CADM2: variants seen among roughly 807,000 people sequenced by gnomAD.
CADM2 encodes the protein cell adhesion molecule 2, also known as immunoglobulin superfamily member 4D.
A neutral mutation model predicts 49.8 loss-of-function variants in CADM2; 12 were observed. The ratio of observed to expected loss-of-function variants is 0.24; its 90% CI spans 0.15 to 0.39. CADM2 has a LOEUF of 0.39. Ranked by LOEUF, CADM2 falls within the 10% of genes least tolerant of loss-of-function variation. The probability of loss-of-function intolerance (pLI) is 1.00; values close to 1 mark genes in which losing one functional copy is unlikely to be tolerated. For missense variants in CADM2, 378 were observed against 492.3 expected, an observed-to-expected ratio of 0.77 and a Z score of 2.20; for synonymous variants, 214 against 175.4, an observed-to-expected ratio of 1.22 and a Z score of -1.74.
At chr3:86,013,310 T>G in intron 8 of CADM2, 5 of 1,543,658 alleles carry the variant, frequency 3.2e-6, no homozygotes, top group Non-Finnish European at 3.6e-6. Context: ...CTCTATCCCT[T>G]GAAGAGAAGG....
At chr3:85,639,175 A>T (rs943619328) in intron 1 of CADM2, among the ~76,000 whole-genome samples, 2 of 152,212 alleles carry the variant, frequency 1.3e-5, no homozygotes, top group Non-Finnish European at 1.5e-5. Flanking sequence ...GCTTTAAAAC[A>T]TTACAATGAT....
intron 1 of CADM2, among the ~76,000 whole-genome samples, chr3:85,458,640 G>C (rs1298580789): frequency 1.3e-5 from 2 of 152,128 alleles, no homozygotes; most frequent in African/African-American, 4.8e-5. Context: ...GGTTTGAAAA[G>C]TATGTTTCCC....
chr3:85,693,742 AAAAAT>A (rs1271957287), intron 1 of CADM2, among the ~76,000 whole-genome samples: 5 of 146,836 alleles, frequency 3.4e-5, no homozygotes, highest in Admixed American at 1.3e-4. Context: ...AAAAAAAAAA[AAAAAT>A]TAGCCAGGTG....
intron 3 of CADM2, among the ~76,000 whole-genome samples, chr3:85,805,267 C>T (rs1342549457): frequency 4.6e-5 from 7 of 152,042 alleles, no homozygotes; most frequent in Non-Finnish European, 8.8e-5. Flanking sequence ...CTTAATTTTC[C>T]GTTCCCAGAT....
At chr3:85,552,367 T>TG (rs1491385754) in intron 1 of CADM2, among the ~76,000 whole-genome samples, 127 of 4,204 alleles carry the variant, frequency 0.03, 3 homozygotes, top group African/African-American at 0.058. Flanking sequence ...CTTTGAAAAG[T>TG]TTTTTTTTTT....
chr3:85,425,010 T>C (rs570636674), intron 1 of CADM2, among the ~76,000 whole-genome samples: 1 of 152,168 alleles, frequency 6.6e-6, no homozygotes, highest in Admixed American at 6.6e-5. Context: ...AAAAGTGCTG[T>C]AATAAAAAAC....
intron 1 of CADM2, among the ~76,000 whole-genome samples, chr3:85,011,680 C>T (rs1206348691): frequency 6.6e-6 from 1 of 151,760 alleles, no homozygotes; most frequent in East Asian, 1.9e-4. Flanking sequence ...GAGGATCGCT[C>T]GAGCTCAGCC....
At chr3:85,441,066 T>A (rs568338252) in intron 1 of CADM2, among the ~76,000 whole-genome samples, 146 of 152,222 alleles carry the variant, frequency 9.6e-4, no homozygotes, top group African/African-American at 3.4e-3. Context: ...TTAGATTTTT[T>A]AAATATACAT....
intron 1 of CADM2, among the ~76,000 whole-genome samples, chr3:85,650,875 A>G (rs534622549): frequency 1.3e-5 from 2 of 149,400 alleles, no homozygotes; most frequent in East Asian, 4.0e-4. Flanking sequence ...TGGCCACATT[A>G]TATACTTCTT....
intron 1 of CADM2, among the ~76,000 whole-genome samples, chr3:85,378,913 C>CA (rs1040187746): frequency 6.6e-6 from 1 of 151,880 alleles, no homozygotes; most frequent in South Asian, 2.1e-4. Flanking sequence ...AATAAAGTGA[C>CA]AAAAACCCAA....
At chr3:85,606,147 C>A (rs962767930) in intron 1 of CADM2, among the ~76,000 whole-genome samples, 2 of 152,004 alleles carry the variant, frequency 1.3e-5, no homozygotes, top group Admixed American at 6.6e-5. Context: ...TTGGAACAAC[C>A]TTTTTTATTA....
chr3:85,958,913 G>C (rs549884344), intron 7 of CADM2, among the ~76,000 whole-genome samples: 2 of 151,734 alleles, frequency 1.3e-5, no homozygotes, highest in African/African-American at 2.4e-5. Context: ...TTGGGGGTGA[G>C]GGGAGGGAAC....
intron 1 of CADM2, among the ~76,000 whole-genome samples, chr3:85,381,290 G>A (rs371399701): frequency 7.5e-5 from 11 of 146,522 alleles, no homozygotes; most frequent in African/African-American, 2.5e-4. Flanking sequence ...TGCTGGTTAG[G>A]CATTACATGT....
intron 5 of CADM2, among the ~76,000 whole-genome samples, chr3:85,906,332 GA>G (rs1577624355): frequency 6.6e-6 from 1 of 152,108 alleles, no homozygotes; most frequent in East Asian, 1.9e-4. Context: ...TACATTTTAT[GA>G]AAAGCATTGA....
intron 1 of CADM2, among the ~76,000 whole-genome samples, chr3:85,090,982 C>G (rs1206734833): frequency 1.3e-5 from 2 of 152,036 alleles, no homozygotes; most frequent in African/African-American, 4.8e-5. Flanking sequence ...ATGGTGGGGC[C>G]AGTATTTCTC....
chr3:85,745,672 C>T (rs2068587372), intron 2 of CADM2, among the ~76,000 whole-genome samples: 1 of 152,086 alleles, frequency 6.6e-6, no homozygotes, highest in African/African-American at 2.4e-5. Context: ...TCAAGACCAG[C>T]CTATGCAACA....
At chr3:85,561,873 A>T (rs1220109855) in intron 1 of CADM2, among the ~76,000 whole-genome samples, 1 of 152,208 alleles carries the variant, frequency 6.6e-6, no homozygotes, top group Non-Finnish European at 1.5e-5. Context: ...TATTTATGCC[A>T]GCTTTACAAT....
In CADM2 at chr3:85,866,720, G is replaced by A. The variant is rs865894894; in HGVS notation, c.239-16571G>A. Reference sequence around the variant, plus strand: ...ATTATAAAAAAGAATTCAATTTTACGTGTTCTTCTGGTTTTTTTCTCCATT... The same window carrying A: ...ATTATAAAAAAGAATTCAATTTTACATGTTCTTCTGGTTTTTTTCTCCATT... On this transcript the variant is annotated intron_variant, in intron 3 of 9. Coordinates refer to ENST00000383699, the MANE Select transcript of CADM2 (RefSeq NM_001167675.2). 3.3e-5 allele frequency among the ~76,000 whole-genome samples: 5 copies of A among 151,798 alleles called. No homozygotes were observed. In the East Asian group the frequency reaches 7.8e-4, roughly 24 times the overall value.
chr3:85,507,643 A>G (rs2040418344), intron 1 of CADM2, among the ~76,000 whole-genome samples: 1 of 152,174 alleles, frequency 6.6e-6, no homozygotes, highest in Admixed American at 6.5e-5. Flanking sequence ...TAGTTAACAT[A>G]TTTGTCTTCA....
Sources: allele counts gnomAD v4.1 joint callset (sites outside exome capture counted in the v4.1 genomes callset), GRCh38; gene constraint gnomAD v4.1.1; transcripts MANE v1.5; gene names NCBI Gene and HGNC (gene_info 2026-07-23, HGNC 2026-07-21).